Variants in RBMS3 observed in about 807,000 individuals in gnomAD.
The protein encoded by RBMS3 is RNA-binding motif, single-stranded-interacting protein 3.
A neutral mutation model predicts 66.8 loss-of-function variants in RBMS3; 27 were observed. That is an observed-to-expected ratio of 0.40 (90% CI 0.30 to 0.56). The LOEUF (loss-of-function observed/expected upper bound fraction) is 0.56, where lower values mean the gene tolerates loss of function less well. Ranked by LOEUF, RBMS3 falls within the 20% of genes least tolerant of loss-of-function variation. The pLI is 0.40. For missense variants in RBMS3, 513 were observed against 549.5 expected (o/e 0.93, Z 0.66); for synonymous variants, 188 against 183.0 (o/e 1.03, Z -0.22).
At chr3:29,562,227 C>A (rs148396097) in intron 3 of RBMS3, among the ~76,000 whole-genome samples, 34 of 152,162 alleles carry the variant, frequency 2.2e-4, no homozygotes, top group African/African-American at 8.2e-4. Flanking sequence ...ATGGGCCCTG[C>A]AATAAACTGA....
intron 10 of RBMS3, among the ~76,000 whole-genome samples, chr3:29,920,774 G>A (rs1190874304): frequency 6.8e-6 from 1 of 146,400 alleles, no homozygotes; most frequent in Non-Finnish European, 1.5e-5. Context: ...AGGAGATCGA[G>A]ACCATCCTGG....
At chr3:29,910,524 G>A (rs937734255) in intron 10 of RBMS3, among the ~76,000 whole-genome samples, 1 of 151,962 alleles carries the variant, frequency 6.6e-6, no homozygotes. Context: ...TATTATTTTT[G>A]ATTTCTTACT....
At chr3:29,445,587 T>G (rs144920872) in intron 2 of RBMS3, among the ~76,000 whole-genome samples, 1 of 152,180 alleles carries the variant, frequency 6.6e-6, no homozygotes, top group East Asian at 1.9e-4. Context: ...CTTTGACTTT[T>G]AGGGGCACAC....
At chr3:29,670,415 G>A (rs755527808) in intron 4 of RBMS3, among the ~76,000 whole-genome samples, 58 of 152,286 alleles carry the variant, frequency 3.8e-4, no homozygotes, top group Middle Eastern at 3.4e-3. Context: ...TGGACTGTGG[G>A]TGCAGCCCAC....
At chr3:29,566,089 C>T (rs992582583) in intron 3 of RBMS3, among the ~76,000 whole-genome samples, 1 of 152,106 alleles carries the variant, frequency 6.6e-6, no homozygotes, top group African/African-American at 2.4e-5. Context: ...CTTATTGACT[C>T]GTTCATTCAA....
rs139372631 is a variant in RBMS3 at position 29,998,526 on chromosome 3, T to C, written c.1308-5330T>C. ...CCTGACTTCAAACTATACTACAAGG[T>C]TACAGTAACCAAAGCAGCATGGTAC... is the stretch of plus-strand genomic sequence containing the variant. On this transcript the variant is annotated intron_variant, in intron 14 of 14. Coordinates refer to ENST00000383767, the MANE Select transcript of RBMS3 (RefSeq NM_001003793.3). Among the ~76,000 whole-genome samples the C allele has an allele frequency of 9.2e-3, 1,399 of 152,142 alleles. 91 individuals are homozygous for C. In the East Asian group the frequency reaches 0.17, roughly 19 times the overall value.
chr3:29,568,126 T>G (rs1206747567), intron 3 of RBMS3, among the ~76,000 whole-genome samples: 1 of 152,204 alleles, frequency 6.6e-6, no homozygotes, highest in Non-Finnish European at 1.5e-5. Flanking sequence ...ATAATCATTC[T>G]TCACATTGGT....
chr3:29,623,328 C>G (rs1035655661), intron 4 of RBMS3, among the ~76,000 whole-genome samples: 3 of 152,018 alleles, frequency 2.0e-5, no homozygotes, highest in Non-Finnish European at 4.4e-5. Context: ...CGCGGTGGCT[C>G]ACGCCTGTAA....
chr3:29,349,249 G>A (rs1357431394), intron 1 of RBMS3, among the ~76,000 whole-genome samples: 1 of 152,144 alleles, frequency 6.6e-6, no homozygotes, highest in Non-Finnish European at 1.5e-5. Flanking sequence ...AGCCTCCAGT[G>A]GTTTTCCTGG....
intron 3 of RBMS3, among the ~76,000 whole-genome samples, chr3:29,554,205 A>C (rs1398919884): frequency 4.6e-5 from 7 of 152,214 alleles, no homozygotes; most frequent in Non-Finnish European, 8.8e-5. Flanking sequence ...TTACATCCTA[A>C]ATATTTTCAT....
At chr3:29,369,487 A>AACACACACACACACACACAC (rs59274434) in intron 1 of RBMS3, among the ~76,000 whole-genome samples, 5 of 135,270 alleles carry the variant, frequency 3.7e-5, no homozygotes, top group South Asian at 2.7e-4. Flanking sequence ...ATCACTCCTT[A>AACACACACACACACACACAC]ACACACACAC....
intron 3 of RBMS3, among the ~76,000 whole-genome samples, chr3:29,567,719 C>A (rs1469119044): frequency 3.9e-5 from 6 of 152,086 alleles, no homozygotes; most frequent in Admixed American, 1.3e-4. Context: ...TTGAGAAATT[C>A]TTTTTCCCCT....
At chr3:29,457,873 T>C (rs2042247720) in intron 2 of RBMS3, among the ~76,000 whole-genome samples, 1 of 151,438 alleles carries the variant, frequency 6.6e-6, no homozygotes, top group Non-Finnish European at 1.5e-5. Flanking sequence ...CAAATAACTA[T>C]GATTGCCAGG....
chr3:29,511,147 A>G (rs1431972096), intron 3 of RBMS3, among the ~76,000 whole-genome samples: 5 of 152,066 alleles, frequency 3.3e-5, no homozygotes, highest in Non-Finnish European at 5.9e-5. Context: ...AATACAAAAA[A>G]TTAGTGGGAC....
intron 4 of RBMS3, among the ~76,000 whole-genome samples, chr3:29,703,783 A>T (rs1309573423): frequency 6.6e-6 from 1 of 152,206 alleles, no homozygotes; most frequent in African/African-American, 2.4e-5. Context: ...CCCCAACCCT[A>T]CAGGTTGTGT....
chr3:29,852,433 G>A (rs759866381), intron 6 of RBMS3, among the ~76,000 whole-genome samples: 20 of 152,060 alleles, frequency 1.3e-4, no homozygotes, highest in Non-Finnish European at 2.1e-4. Context: ...GTCTAATATT[G>A]AGCATCTTTA....
chr3:29,768,696 A>G (rs2056042239), intron 6 of RBMS3, among the ~76,000 whole-genome samples: 1 of 151,950 alleles, frequency 6.6e-6, no homozygotes. Context: ...ATAGCCTCCA[A>G]TCAACAGGGT....
chr3:29,386,862 A>G (rs2039032269), intron 1 of RBMS3, among the ~76,000 whole-genome samples: 2 of 152,324 alleles, frequency 1.3e-5, no homozygotes, highest in Middle Eastern at 3.4e-3. Context: ...ATTTTTGTCA[A>G]CGTCATCAAA....
At chr3:29,319,311 G>T (rs572077026) in intron 1 of RBMS3, among the ~76,000 whole-genome samples, 1 of 151,922 alleles carries the variant, frequency 6.6e-6, no homozygotes, top group Non-Finnish European at 1.5e-5. Flanking sequence ...AAAAGTAAAG[G>T]CAGGACTCAT....
Sources: allele counts gnomAD v4.1 joint callset (sites outside exome capture counted in the v4.1 genomes callset), GRCh38; gene constraint gnomAD v4.1.1; transcripts MANE v1.5; gene names NCBI Gene and HGNC (gene_info 2026-07-23, HGNC 2026-07-21).